Variants in NELL1 observed in about 807,000 individuals in gnomAD.
NELL1 encodes the protein protein kinase C-binding protein NELL1.
NELL1 carries 76 observed loss-of-function variants against 107.4 expected under a neutral mutation model. That is an observed-to-expected ratio of 0.71 (90% confidence interval 0.59 to 0.86). NELL1 has a LOEUF of 0.86. NELL1 is among the 40% of genes least tolerant of loss of function. NELL1 has a pLI of 0.00. For missense variants in NELL1, 1,024 were observed against 1,005.5 expected (o/e 1.02, Z -0.25); for synonymous variants, 353 against 341.2 (o/e 1.03, Z -0.38).
In NELL1 at chr11:20,905,523, G is replaced by C. The variant is rs549779318; in HGVS notation, c.604-12659G>C. ...TGCTTAAAGAGCTAGATGAAAACAT[G>C]GATAAAGAAATAAGTCACGAAAATG... On this transcript the variant is annotated intron_variant, in intron 5 of 19. Transcript: ENST00000357134. 5.4e-4 allele frequency among the ~76,000 whole-genome samples: 82 copies of C among 152,032 alleles called. 1 individual carries two copies. Among genetic ancestry groups the C allele is most frequent in the African/African-American group, 2.0e-3 (81 of 41,478 alleles).
At chr11:20,674,496 T>C in intron 1 of NELL1, 1 of 1,536,030 alleles carries the variant, frequency 6.5e-7, no homozygotes, top group Non-Finnish European at 8.7e-7. Flanking sequence ...CAGCAGAAGA[T>C]ATGAAGCCAC....
intron 15 of NELL1, among the ~76,000 whole-genome samples, chr11:21,513,651 G>A (rs1323873227): frequency 6.6e-6 from 1 of 152,070 alleles, no homozygotes; most frequent in Non-Finnish European, 1.5e-5. Context: ...ATAATATTTA[G>A]GATAATAAAA....
intron 14 of NELL1, among the ~76,000 whole-genome samples, chr11:21,282,737 G>T (rs1202896919): frequency 6.6e-6 from 1 of 152,086 alleles, no homozygotes; most frequent in East Asian, 1.9e-4. Context: ...GTTTGTCTCA[G>T]CACTAGTCAC....
chr11:21,514,830 G>A (rs1220791734), intron 15 of NELL1, among the ~76,000 whole-genome samples: 1 of 152,110 alleles, frequency 6.6e-6, no homozygotes, highest in African/African-American at 2.4e-5. Flanking sequence ...CTTTTACAGT[G>A]TACAGTCCTG....
At chr11:20,737,073 C>T (rs946306036) in intron 2 of NELL1, among the ~76,000 whole-genome samples, 1 of 151,860 alleles carries the variant, frequency 6.6e-6, no homozygotes. Flanking sequence ...TTTTCTATAC[C>T]TCTCCTCTCC....
chr11:21,069,765 C>A (rs1222871469), intron 12 of NELL1, among the ~76,000 whole-genome samples: 1 of 152,032 alleles, frequency 6.6e-6, no homozygotes, highest in Non-Finnish European at 1.5e-5. Flanking sequence ...GATTAAGGGC[C>A]GGTGGTGTAG....
chr11:21,326,077 T>TTG (rs1565169187), intron 14 of NELL1, among the ~76,000 whole-genome samples: 11 of 63,778 alleles, frequency 1.7e-4, no homozygotes, highest in South Asian at 6.3e-4. Flanking sequence ...TTTTTTTTTT[T>TTG]TTTTGGGCTA....
intron 3 of NELL1, among the ~76,000 whole-genome samples, chr11:20,797,657 G>T (rs1215251998): frequency 6.6e-6 from 1 of 150,890 alleles, no homozygotes; most frequent in Non-Finnish European, 1.5e-5. Flanking sequence ...CACTATTTCA[G>T]ATAATGGTGG....
At chr11:21,292,443 G>T (rs1849290759) in intron 14 of NELL1, among the ~76,000 whole-genome samples, 1 of 152,110 alleles carries the variant, frequency 6.6e-6, no homozygotes, top group Non-Finnish European at 1.5e-5. Context: ...ACAAACAAAT[G>T]CAAAAACATT....
chr11:20,714,538 T>C (rs1219878827), intron 2 of NELL1, among the ~76,000 whole-genome samples: 1 of 150,302 alleles, frequency 6.7e-6, no homozygotes, highest in African/African-American at 2.4e-5. Context: ...TAATTTTTTT[T>C]TGAGGCAGGG....
At chr11:20,698,775 T>A (rs1854689448) in intron 2 of NELL1, among the ~76,000 whole-genome samples, 1 of 152,182 alleles carries the variant, frequency 6.6e-6, no homozygotes, top group South Asian at 2.1e-4. Flanking sequence ...AATGTGTAGC[T>A]TTTTAATCCC....
intron 5 of NELL1, among the ~76,000 whole-genome samples, chr11:20,890,469 A>G (rs77966498): frequency 0.036 from 5,419 of 152,172 alleles, 319 homozygotes; most frequent in African/African-American, 0.12. Context: ...AATGATTTCA[A>G]TGTCTCTCCA....
At chr11:21,111,207 A>G (rs1855099081) in intron 12 of NELL1, among the ~76,000 whole-genome samples, 1 of 152,042 alleles carries the variant, frequency 6.6e-6, no homozygotes, top group East Asian at 1.9e-4. Context: ...AGAATTTATT[A>G]CACATTTTGC....
intron 1 of NELL1, among the ~76,000 whole-genome samples, chr11:20,672,985 C>CA (rs1555050541): frequency 2.6e-5 from 3 of 115,930 alleles, no homozygotes; most frequent in Admixed American, 1.7e-4. Flanking sequence ...CCCCCCCCCC[C>CA]CCGAGTAGCT....
In NELL1 at chr11:20,937,835, A is replaced by C; in HGVS notation, c.1047A>C (p.Leu349Phe). The change falls in exon 10 of 20, where the codon TTA (leucine) becomes TTC (phenylalanine). Residue 349 changes from leucine (L) to phenylalanine (F), a missense_variant. Physicochemically the swap from Leu to Phe is conservative, Grantham distance 22. Coordinates refer to ENST00000357134, the MANE Select transcript of NELL1 (RefSeq NM_006157.5). Reference protein sequence around the residue: ...GKVLAEGQRILTKSCRECRGG... With the variant: ...GKVLAEGQRIFTKSCRECRGG... ...TTCTTGCAGAAGGCCAGCGGATTTTAACCAAGAGCTGTCGGGAATGCCGAG... is the reference window on the plus strand; with the variant it reads ...TTCTTGCAGAAGGCCAGCGGATTTTCACCAAGAGCTGTCGGGAATGCCGAG... 6.2e-7 allele frequency: 1 copy of C among 1,614,082 alleles called. No homozygotes were observed. Among genetic ancestry groups the C allele is most frequent in the East Asian group, 2.2e-5 (1 of 44,876 alleles).
At chr11:20,891,921 C>T (rs1327916384) in intron 5 of NELL1, among the ~76,000 whole-genome samples, 1 of 152,122 alleles carries the variant, frequency 6.6e-6, no homozygotes, top group Admixed American at 6.5e-5. Flanking sequence ...TAGTGAGAGA[C>T]TTTAACACCC....
intron 12 of NELL1, 134 bp downstream of exon 12, chr11:20,960,694 C>T: frequency 1.0e-6 from 1 of 1,001,986 alleles, no homozygotes. Context: ...ATATCAATTG[C>T]TGAGGGTTCT....
chr11:21,522,983 T>TA (rs1280840425), intron 15 of NELL1, among the ~76,000 whole-genome samples: 4 of 151,662 alleles, frequency 2.6e-5, no homozygotes, highest in Non-Finnish European at 5.9e-5. Flanking sequence ...TAGCTGGGAC[T>TA]ACAGGCGCCC....
At chr11:20,728,068 A>AT (rs1855548263) in intron 2 of NELL1, among the ~76,000 whole-genome samples, 1 of 152,166 alleles carries the variant, frequency 6.6e-6, no homozygotes, top group Non-Finnish European at 1.5e-5. Context: ...CATGCTGAGC[A>AT]TTTTTTCATA....
Sources: allele counts gnomAD v4.1 joint callset (sites outside exome capture counted in the v4.1 genomes callset), GRCh38; gene constraint gnomAD v4.1.1; transcripts MANE v1.5; gene names NCBI Gene and HGNC (gene_info 2026-07-23, HGNC 2026-07-21).